CEP85L: variants seen among roughly 807,000 people sequenced by gnomAD.
The protein encoded by CEP85L is centrosomal protein 85L, also known as centrosomal protein of 85 kDa-like.
Under a neutral mutation model 100.3 loss-of-function variants are expected in CEP85L, and 60 were observed. The observed-to-expected ratio is 0.60, with a 90% CI of 0.49 to 0.74. The LOEUF (loss-of-function observed/expected upper bound fraction) is 0.74. Ranked by LOEUF, CEP85L falls within the 30% of genes least tolerant of loss-of-function variation. CEP85L has a pLI of 0.00. For missense variants in CEP85L, 973 were observed against 936.2 expected (o/e 1.04, Z -0.51); for synonymous variants, 319 against 322.7 (o/e 0.99, Z 0.12).
chr6:118,526,214 A>G lies in CEP85L; in HGVS notation c.1021-2294T>C, dbSNP rs571709582. Among the ~76,000 whole-genome samples the G allele has an allele frequency of 4.6e-5, 7 of 152,322 alleles. No individual in the cohort carries two copies. The South Asian group carries it at 1.0e-3, about 23-fold the overall frequency. ...TGATATTCAGCCAGTATGCATCAGT[A>G]CAGATAATGTTAGCTGTTAGAATAC... On this transcript the variant is annotated intron_variant, in intron 3 of 12. Transcript: ENST00000368491.
At chr6:118,529,105 T>C (rs1777135492) in intron 3 of CEP85L, among the ~76,000 whole-genome samples, 1 of 152,192 alleles carries the variant, frequency 6.6e-6, no homozygotes, top group Non-Finnish European at 1.5e-5. Context: ...AAAGGTGGAA[T>C]AGTGATAAGG....
At chr6:118,577,939 A>C (rs375709371) in intron 2 of CEP85L, among the ~76,000 whole-genome samples, 19 of 152,324 alleles carry the variant, frequency 1.2e-4, no homozygotes, top group African/African-American at 4.6e-4. Context: ...TTATAGAAAA[A>C]GCCTTCACCA....
At position 118,640,681 on chromosome 6, in the gene CEP85L, T is replaced by C. The variant is rs182902810; in HGVS notation, c.74-8070A>G. Among the ~76,000 whole-genome samples, 496 of 152,138 alleles carry C rather than the reference T, an allele frequency of 3.3e-3. 15 individuals are homozygous for C. The highest frequency in any genetic ancestry group is 0.03 in the Admixed American group (457 of 15,278). Reference sequence around the variant, plus strand: ...TGCGGATTACAGGCACACACCACCATGTCTGGCTAATTTTTTAGGTTTTTT... The same window carrying C: ...TGCGGATTACAGGCACACACCACCACGTCTGGCTAATTTTTTAGGTTTTTT... On this transcript the variant is annotated intron_variant, in intron 1 of 12. Transcript: ENST00000368491.
chr6:118,539,755 C>G (rs535856332), intron 3 of CEP85L, among the ~76,000 whole-genome samples: 1 of 151,818 alleles, frequency 6.6e-6, no homozygotes, highest in Admixed American at 6.6e-5. Context: ...TCCCTCCCCC[C>G]AAAAAAAGAA....
rs1041079682 is a variant in CEP85L at position 118,491,858 on chromosome 6, T to A, written c.1265A>T (p.Tyr422Phe). 6.3e-7 allele frequency: 1 copy of A among 1,588,188 alleles called. No homozygotes were observed. The highest frequency in any genetic ancestry group is 8.5e-7 in the Non-Finnish European group (1 of 1,170,364). ...TGGTGTCTGGAGTGAAGTGTTCTCA[T>A]ATTGTGGCTGTTAGGAAAGAAAAAA... is the stretch of plus-strand genomic sequence containing the variant. ...DSYVASLQPQ[Y>F]ENTSLQTPFS... The change falls in exon 6 of 13, where the codon TAT (tyrosine) becomes TTT (phenylalanine). Residue 422 changes from tyrosine to phenylalanine, a missense_variant. This residue lies in a region of CEP85L where 890 missense variants were observed against 844.5 expected (regional missense o/e 1.05). Transcript: ENST00000368491.
chr6:118,556,968 G>C (rs1778915307), intron 3 of CEP85L, among the ~76,000 whole-genome samples: 1 of 152,142 alleles, frequency 6.6e-6, no homozygotes, highest in Non-Finnish European at 1.5e-5. Flanking sequence ...GCAATAGCTT[G>C]TGGGATCTCT....
chr6:118,657,801 T>C (rs759425713), intron 1 of CEP85L, among the ~76,000 whole-genome samples: 1 of 152,228 alleles, frequency 6.6e-6, no homozygotes, highest in African/African-American at 2.4e-5. Flanking sequence ...TTGTGAAACT[T>C]ACTGAGTTAA....
intron 2 of CEP85L, among the ~76,000 whole-genome samples, chr6:118,602,642 A>G (rs1583147842): frequency 2.0e-5 from 3 of 152,234 alleles, no homozygotes; most frequent in African/African-American, 4.8e-5. Context: ...TTTGAAACAT[A>G]GTATTTCCCT....
At chr6:118,530,206 C>A (rs1332294191) in intron 3 of CEP85L, among the ~76,000 whole-genome samples, 1 of 151,898 alleles carries the variant, frequency 6.6e-6, no homozygotes, top group African/African-American at 2.4e-5. Context: ...AACTTTAGCA[C>A]ACCTCTAAGA....
intron 2 of CEP85L, among the ~76,000 whole-genome samples, chr6:118,600,300 G>GGGGTGTGTGTGTGTGTGTGTGTGT (rs1562297733): frequency 1.9e-5 from 1 of 52,236 alleles, no homozygotes; most frequent in Non-Finnish European, 4.0e-5. Flanking sequence ...CCTTCCTGGG[G>GGGGTGTGTGTGTGTGTGTGTGTGT]GTGTGTGTGT....
At chr6:118,486,686 C>A (rs1012738961) in intron 6 of CEP85L, among the ~76,000 whole-genome samples, 3 of 152,036 alleles carry the variant, frequency 2.0e-5, no homozygotes, top group African/African-American at 7.3e-5. Flanking sequence ...ACATCTATCC[C>A]CTCTCCTCAA....
At chr6:118,520,808 G>T (rs939982486) in intron 4 of CEP85L, among the ~76,000 whole-genome samples, 13 of 152,170 alleles carry the variant, frequency 8.5e-5, no homozygotes, top group Non-Finnish European at 1.6e-4. Flanking sequence ...CAGTTAAGGA[G>T]ATCGAAATGC....
At chr6:118,619,758 G>C (rs1192764112) in intron 2 of CEP85L, among the ~76,000 whole-genome samples, 1 of 152,198 alleles carries the variant, frequency 6.6e-6, no homozygotes, top group East Asian at 1.9e-4. Context: ...TCTTACAAGG[G>C]TTAGGACAGT....
chr6:118,495,227 G>A (rs9489415), intron 5 of CEP85L, among the ~76,000 whole-genome samples: 4,480 of 152,246 alleles, frequency 0.029, 108 homozygotes, highest in African/African-American at 0.056. Flanking sequence ...TTAGGGGACT[G>A]TTGGGAAGGC....
At chr6:118,528,555 G>GTC (rs1458710118) in intron 3 of CEP85L, among the ~76,000 whole-genome samples, 2 of 152,132 alleles carry the variant, frequency 1.3e-5, no homozygotes, top group Non-Finnish European at 2.9e-5. Flanking sequence ...ACCAGCAGCA[G>GTC]TCTTCCTTAT....
At chr6:118,475,901 A>G (rs546965060) in intron 10 of CEP85L, among the ~76,000 whole-genome samples, 6 of 152,296 alleles carry the variant, frequency 3.9e-5, no homozygotes, top group African/African-American at 9.6e-5. Context: ...TTTTACTGCC[A>G]GACTATATGG....
intron 1 of CEP85L, among the ~76,000 whole-genome samples, chr6:118,637,503 G>A (rs551006607): frequency 6.7e-6 from 1 of 149,150 alleles, no homozygotes; most frequent in South Asian, 2.1e-4. Flanking sequence ...TTTAAGACCA[G>A]CCTGGAAAAC....
intron 1 of CEP85L, among the ~76,000 whole-genome samples, chr6:118,674,633 C>T (rs1776423293): frequency 6.6e-6 from 1 of 151,632 alleles, no homozygotes; most frequent in Non-Finnish European, 1.5e-5. Flanking sequence ...AACAAAAAGA[C>T]AATCTGATTT....
chr6:118,491,862 G>T lies in CEP85L; in HGVS notation c.1261C>A (p.Gln421Lys). The T allele has an allele frequency of 6.3e-7, 1 of 1,583,496 alleles. No homozygotes were observed. The highest frequency in any genetic ancestry group is 1.9e-5 in the Admixed American group (1 of 52,612). The change falls in exon 6 of 13, where the codon CAA (glutamine) becomes AAA (lysine). Residue 421 changes from glutamine to lysine, a missense_variant. Gln to Lys is a moderately conservative substitution (Grantham distance 53). This residue lies in a region of CEP85L where 890 missense variants were observed against 844.5 expected (regional missense o/e 1.05). Transcript: ENST00000368491. ...EDSYVASLQP[Q>K]YENTSLQTPF... ...GTCTGGAGTGAAGTGTTCTCATATT[G>T]TGGCTGTTAGGAAAGAAAAAAAGGA...
Sources: gnomAD v4.1 joint callset for allele counts (sites outside exome capture counted in the v4.1 genomes callset) on GRCh38, gnomAD v4.1.1 for gene constraint, gnomAD v4.1.1 regional missense constraint, MANE v1.5 for transcripts, NCBI Gene and HGNC (gene_info 2026-07-23, HGNC 2026-07-21) for gene names.